The following NAA15 variants were observed in gnomAD, a reference collection of about 807,000 sequenced individuals.
NAA15 encodes the protein N-terminal acetyltransferase.
NAA15 carries 34 observed loss-of-function variants against 114.0 expected under a neutral mutation model. The observed-to-expected ratio is 0.30, with a 90% CI of 0.23 to 0.40. NAA15 has a LOEUF of 0.40. Among genes scored for constraint, NAA15 ranks in the 10% least tolerant of loss-of-function variants. NAA15 has a pLI of 1.00. For synonymous variants in NAA15, 340 were observed against 338.0 expected (o/e 1.01, Z -0.06); for missense variants, 658 against 1,004.5 (o/e 0.66, Z 4.66).
chr4:139,321,079 T>C (rs1746582126), intron 1 of NAA15, among the ~76,000 whole-genome samples: 1 of 152,194 alleles, frequency 6.6e-6, no homozygotes, highest in African/African-American at 2.4e-5. Flanking sequence ...AACCAGCTTT[T>C]GATTTCACAA....
intron 1 of NAA15, among the ~76,000 whole-genome samples, chr4:139,310,157 C>A (rs893790927): frequency 2.0e-5 from 3 of 152,154 alleles, no homozygotes; most frequent in Non-Finnish European, 4.4e-5. Context: ...CTTCTTTCTT[C>A]ATAAAAACAT....
At position 139,376,376 on chromosome 4, in the gene NAA15, A is replaced by G; in HGVS notation, c.1959A>G (p.Pro653=). The change falls in exon 16 of 20, where the codon CCA becomes CCG. Residue 653 remains proline, a synonymous_variant. Transcript: ENST00000296543. ...TTTATTTTTGTTAGGTTGAAACTCC[A>G]TTGGAAGAAGCTATTAAATTTTTAA... ...IPEKLAKVET[P]LEEAIKFLTP... 1.2e-6 allele frequency: 2 copies of G among 1,601,912 alleles called. No homozygotes were observed. Among genetic ancestry groups the G allele is most frequent in the Non-Finnish European group, 1.7e-6 (2 of 1,169,454 alleles).
intron 1 of NAA15, among the ~76,000 whole-genome samples, chr4:139,303,332 T>C (rs1201814477): frequency 2.0e-5 from 3 of 152,220 alleles, no homozygotes; most frequent in Non-Finnish European, 1.5e-5. Context: ...AATAGCAATT[T>C]ATCTTTAATC....
chr4:139,352,895 T>A (rs1400475938), intron 9 of NAA15, among the ~76,000 whole-genome samples: 1 of 151,934 alleles, frequency 6.6e-6, no homozygotes, highest in Non-Finnish European at 1.5e-5. Flanking sequence ...CTTGAACTCC[T>A]GACCTCAGGC....
At chr4:139,358,614 A>G (rs1242109295) in intron 11 of NAA15, among the ~76,000 whole-genome samples, 6 of 152,180 alleles carry the variant, frequency 3.9e-5, no homozygotes, top group Admixed American at 3.3e-4. Context: ...GGTTTGTTAC[A>G]TAGGTATACA....
intron 19 of NAA15, among the ~76,000 whole-genome samples, chr4:139,387,419 G>A (rs1045732225): frequency 6.6e-6 from 1 of 152,156 alleles, no homozygotes; most frequent in African/African-American, 2.4e-5. Flanking sequence ...TCTTTAATTT[G>A]AACACAATGT....
At position 139,376,378 on chromosome 4, in the gene NAA15, T is replaced by C; in HGVS notation, c.1961T>C (p.Leu654Ser). ...TATTTTTGTTAGGTTGAAACTCCAT[T>C]GGAAGAAGCTATTAAATTTTTAACA... ...PEKLAKVETPLEEAIKFLTPL... is the reference protein window; with the variant it reads ...PEKLAKVETPSEEAIKFLTPL... Residue 654 changes from leucine (L) to serine (S), a missense_variant, in exon 16 of 20, where the codon TTG becomes TCG. By Grantham distance (145) the Leu-to-Ser change is moderately radical (BLOSUM62 -2). This residue lies in a region of NAA15 where 275 missense variants were observed against 371.1 expected (regional missense o/e 0.74). Transcript: ENST00000296543. 1 of 1,602,436 alleles carries C rather than the reference T, an allele frequency of 6.2e-7. No homozygotes were observed.
chr4:139,344,050 T>C, intron 5 of NAA15, 136 bp from the exon 6 acceptor site: 1 of 638,290 alleles, frequency 1.6e-6, no homozygotes, highest in South Asian at 2.5e-5. Flanking sequence ...CTGTAGATAC[T>C]TAAGAATTTT....
chr4:139,354,131 C>G (rs766919500), intron 10 of NAA15, 33 bp downstream of exon 10: 8 of 1,540,658 alleles, frequency 5.2e-6, no homozygotes, highest in Non-Finnish European at 7.2e-6. Flanking sequence ...TTAAAAACAT[C>G]TTGAAAATTT....
chr4:139,307,775 G>T (rs988659908), intron 1 of NAA15, among the ~76,000 whole-genome samples: 1 of 152,056 alleles, frequency 6.6e-6, no homozygotes, highest in Non-Finnish European at 1.5e-5. Context: ...TGAGATTAAG[G>T]TCAACAGCTA....
At chr4:139,319,123 G>A (rs1372917982) in intron 1 of NAA15, among the ~76,000 whole-genome samples, 5 of 151,810 alleles carry the variant, frequency 3.3e-5, no homozygotes, top group African/African-American at 7.3e-5. Flanking sequence ...GTGAAACCCC[G>A]TCTCTACTGA....
intron 14 of NAA15, among the ~76,000 whole-genome samples, chr4:139,369,311 A>G (rs1409764334): frequency 2.6e-5 from 4 of 152,214 alleles, no homozygotes; most frequent in Non-Finnish European, 5.9e-5. Context: ...ATATTCATAG[A>G]TTGCAAATAG....
chr4:139,350,881 T>A (rs1377905277), intron 7 of NAA15, among the ~76,000 whole-genome samples: 1 of 151,908 alleles, frequency 6.6e-6, no homozygotes, highest in Non-Finnish European at 1.5e-5. Flanking sequence ...GGGGAGAAGC[T>A]AAGGAGAATA....
intron 17 of NAA15, among the ~76,000 whole-genome samples, chr4:139,380,151 T>G (rs898405884): frequency 5.3e-5 from 8 of 152,174 alleles, no homozygotes; most frequent in African/African-American, 1.9e-4. Flanking sequence ...ATTGTAGAAG[T>G]GTTTTTCCTC....
At chr4:139,364,359 A>G (rs1203164603) in intron 14 of NAA15, among the ~76,000 whole-genome samples, 1 of 152,078 alleles carries the variant, frequency 6.6e-6, no homozygotes, top group Non-Finnish European at 1.5e-5. Flanking sequence ...ATATTTATGA[A>G]TATCTTCTGT....
Position 139,325,545 on chromosome 4 carries a change from G to A in NAA15, c.55-8629G>A, listed in dbSNP as rs115773742. 1.5e-3 allele frequency among the ~76,000 whole-genome samples: 222 copies of A among 152,220 alleles called. 1 individual carries two copies. The highest frequency in any genetic ancestry group is 5.0e-3 in the African/African-American group (207 of 41,528). On this transcript the variant is annotated intron_variant, in intron 1 of 19. Coordinates refer to ENST00000296543, the MANE Select transcript of NAA15 (RefSeq NM_057175.5). Reference sequence around the variant, plus strand: ...AAAAACATACGATAAACAAATAAAGGTGTTTCCAGTCACACCACCAAAAAT... The same window carrying A: ...AAAAACATACGATAAACAAATAAAGATGTTTCCAGTCACACCACCAAAAAT...
Position 139,352,420 on chromosome 4 carries a change from A to T in NAA15, c.1014+809A>T, listed in dbSNP as rs568088930. Among the ~76,000 whole-genome samples the T allele has an allele frequency of 9.4e-4, 143 of 151,432 alleles. 1 individual carries two copies. The highest frequency in any genetic ancestry group is 3.3e-3 in the African/African-American group (137 of 41,262). ...CACCGTGCCTGGCCAAGGGTATTTT[A>T]ATTTTAATTTTTAGATTATTTTGGT... On this transcript the variant is annotated intron_variant, in intron 9 of 19. Transcript: ENST00000296543.
intron 14 of NAA15, among the ~76,000 whole-genome samples, chr4:139,363,231 A>G (rs1039912643): frequency 2.0e-5 from 3 of 152,156 alleles, no homozygotes; most frequent in African/African-American, 7.2e-5. Flanking sequence ...CTCTTCTTCA[A>G]ATTATACAAA....
At chr4:139,351,977 CTTCT>C (rs769136831) in intron 9 of NAA15, among the ~76,000 whole-genome samples, 4 of 151,622 alleles carry the variant, frequency 2.6e-5, no homozygotes, top group Non-Finnish European at 4.4e-5. Flanking sequence ...TTAGCTTAGT[CTTCT>C]TTCTCCTTTT....
Sources: gnomAD v4.1 joint callset for allele counts (sites outside exome capture counted in the v4.1 genomes callset) on GRCh38, gnomAD v4.1.1 for gene constraint, gnomAD v4.1.1 regional missense constraint, MANE v1.5 for transcripts, NCBI Gene and HGNC (gene_info 2026-07-23, HGNC 2026-07-21) for gene names.